Variants in PDE1C observed in about 807,000 individuals in gnomAD.
PDE1C encodes the protein dual specificity calcium/calmodulin-dependent 3',5'-cyclic nucleotide phosphodiesterase 1C.
PDE1C carries 62 observed loss-of-function variants against 93.1 expected under a neutral mutation model. The ratio of observed to expected loss-of-function variants is 0.67; its 90% CI spans 0.54 to 0.82. The LOEUF (loss-of-function observed/expected upper bound fraction) is 0.82, where lower values mean the gene tolerates loss of function less well. Ranked by LOEUF, PDE1C falls within the 40% of genes least tolerant of loss-of-function variation. The pLI is 0.00. For missense variants in PDE1C, 742 were observed against 884.6 expected, an observed-to-expected ratio of 0.84 and a Z score of 2.04; for synonymous variants, 325 against 310.1, an observed-to-expected ratio of 1.05 and a Z score of -0.50.
intron 11 of PDE1C, 33 bp downstream of exon 11, chr7:31,837,147 G>A: frequency 1.2e-6 from 2 of 1,601,276 alleles, no homozygotes; most frequent in Non-Finnish European, 1.7e-6. Context: ...ATCCAATGAT[G>A]ACAGTCCTGA....
intron 1 of PDE1C, among the ~76,000 whole-genome samples, chr7:32,421,075 G>A (rs536297023): frequency 2.8e-5 from 3 of 107,608 alleles, no homozygotes; most frequent in South Asian, 3.5e-4. Context: ...CCTAGAAGGC[G>A]GATTAAAACT....
chr7:31,964,699 C>T (rs938743349), intron 2 of PDE1C, among the ~76,000 whole-genome samples: 1 of 152,210 alleles, frequency 6.6e-6, no homozygotes, highest in Admixed American at 6.5e-5. Flanking sequence ...AACTGGGAGG[C>T]AACCCCCCAA....
intron 2 of PDE1C, among the ~76,000 whole-genome samples, chr7:32,015,495 A>T (rs142120317): frequency 2.2e-3 from 332 of 152,174 alleles, no homozygotes; most frequent in African/African-American, 7.3e-3. Flanking sequence ...TAAAAAGGAC[A>T]ATTTATATGA....
At chr7:32,093,061 C>T (rs1479786788) in intron 3 of PDE1C, among the ~76,000 whole-genome samples, 1 of 152,222 alleles carries the variant, frequency 6.6e-6, no homozygotes, top group Non-Finnish European at 1.5e-5. Flanking sequence ...GCAAGAAAGT[C>T]TCTGGCAAAC....
chr7:32,114,167 A>AC (rs1326382829), intron 3 of PDE1C, among the ~76,000 whole-genome samples: 2 of 152,216 alleles, frequency 1.3e-5, no homozygotes, highest in Admixed American at 6.5e-5. Flanking sequence ...CCCCATAGAC[A>AC]ATCCTAAGCA....
intron 3 of PDE1C, among the ~76,000 whole-genome samples, chr7:32,129,631 G>GT (rs1370793476): frequency 1.3e-4 from 20 of 151,818 alleles, no homozygotes; most frequent in African/African-American, 4.8e-4. Context: ...ACTCACTCTT[G>GT]TTTTTTTCAA....
chr7:31,658,921 C>T, the PDE1C span, among the ~76,000 whole-genome samples: 1 of 152,172 alleles, frequency 6.6e-6, no homozygotes, highest in South Asian at 2.1e-4. Flanking sequence ...CAAACCTTAT[C>T]TTATTCATTC....
intron 3 of PDE1C, among the ~76,000 whole-genome samples, chr7:32,149,178 G>C (rs1012420031): frequency 5.3e-5 from 8 of 152,130 alleles, no homozygotes; most frequent in African/African-American, 1.9e-4. Flanking sequence ...AGCTGAGAAA[G>C]GATCCTCCCC....
the PDE1C span, among the ~76,000 whole-genome samples, chr7:31,706,287 G>A: frequency 2.0e-5 from 3 of 151,926 alleles, no homozygotes; most frequent in South Asian, 2.1e-4. Context: ...TTATAGGCAT[G>A]AGCCACCACA....
intron 1 of PDE1C, among the ~76,000 whole-genome samples, chr7:32,232,108 G>T (rs1807739957): frequency 6.6e-6 from 1 of 151,936 alleles, no homozygotes; most frequent in Non-Finnish European, 1.5e-5. Flanking sequence ...ACCTATTTGA[G>T]GATGCTGAAA....
intron 2 of PDE1C, among the ~76,000 whole-genome samples, chr7:32,019,939 GA>G (rs1243018245): frequency 6.6e-6 from 1 of 152,104 alleles, no homozygotes; most frequent in Non-Finnish European, 1.5e-5. Flanking sequence ...GAAGTTCAGG[GA>G]AAAGAGCAAG....
intron 16 of PDE1C, chr7:31,789,513 C>A (rs1319256848): frequency 1.0e-5 from 4 of 401,102 alleles, no homozygotes; most frequent in African/African-American, 6.5e-5. Context: ...GGTTCCCACT[C>A]AACAGTACAG....
chr7:32,124,548 A>T (rs915195214), intron 3 of PDE1C, among the ~76,000 whole-genome samples: 1 of 152,112 alleles, frequency 6.6e-6, no homozygotes, highest in Non-Finnish European at 1.5e-5. Flanking sequence ...GAAATACACC[A>T]CACATCTACA....
intron 1 of PDE1C, among the ~76,000 whole-genome samples, chr7:32,212,045 A>G (rs560397890): frequency 7.6e-5 from 11 of 145,480 alleles, no homozygotes; most frequent in African/African-American, 2.0e-4. Context: ...AAAAAAAAAA[A>G]GAAAGAAAGA....
intron 3 of PDE1C, among the ~76,000 whole-genome samples, chr7:32,135,028 G>T (rs1264519646): frequency 1.3e-5 from 2 of 152,158 alleles, no homozygotes; most frequent in Non-Finnish European, 2.9e-5. Flanking sequence ...GGAATTGGTA[G>T]AAACCAAGAC....
Position 32,379,064 on chromosome 7 carries a change from G to T in PDE1C, c.310+48758C>A, listed in dbSNP as rs576838985. On this transcript the variant is annotated intron_variant, in intron 1 of 1. Transcript: ENST00000672256. ...TAATGTGACTTACAATGCGTTCTCT[G>T]GCCTACCTACCTCTCCTGCTCCAGC... Among the ~76,000 whole-genome samples the T allele has an allele frequency of 2.0e-5, 3 of 152,198 alleles. No homozygotes were observed. In the South Asian group the frequency reaches 6.2e-4, roughly 32 times the overall value.
chr7:32,363,887 A>G (rs1485746197), intron 1 of PDE1C, among the ~76,000 whole-genome samples: 1 of 152,224 alleles, frequency 6.6e-6, no homozygotes, highest in Non-Finnish European at 1.5e-5. Context: ...ATGCCCCAGG[A>G]TTTGTTTTAT....
intron 2 of PDE1C, among the ~76,000 whole-genome samples, chr7:31,993,879 C>T (rs190973244): frequency 1.3e-5 from 2 of 152,184 alleles, no homozygotes; most frequent in East Asian, 3.9e-4. Flanking sequence ...TTATAACTGG[C>T]GATATGCAAT....
intron 3 of PDE1C, among the ~76,000 whole-genome samples, chr7:32,084,222 C>A (rs1230298778): frequency 2.6e-5 from 4 of 151,950 alleles, no homozygotes; most frequent in African/African-American, 9.7e-5. Flanking sequence ...ATAAAACAGA[C>A]TTTAAACCAA....
Sources: gnomAD v4.1 joint callset for allele counts (sites outside exome capture counted in the v4.1 genomes callset) on GRCh38, gnomAD v4.1.1 for gene constraint, MANE v1.5 for transcripts, NCBI Gene and HGNC (gene_info 2026-07-23, HGNC 2026-07-21) for gene names.